IQGAP2: variants seen among roughly 807,000 people sequenced by gnomAD.
IQGAP2 encodes IQ motif containing GTPase activating protein 2, also known as ras GTPase-activating-like protein IQGAP2.
A neutral mutation model predicts 201.3 loss-of-function variants in IQGAP2; 173 were observed. The observed-to-expected ratio is 0.86, with a 90% CI of 0.76 to 0.98. The LOEUF is 0.98. Among genes scored for constraint, IQGAP2 ranks in the 50% least tolerant of loss-of-function variants. IQGAP2 has a pLI of 0.00. For missense variants in IQGAP2, 1,687 were observed against 1,864.8 expected, an observed-to-expected ratio of 0.90 and a Z score of 1.76; for synonymous variants, 675 against 673.9, an observed-to-expected ratio of 1.00 and a Z score of -0.03.
At position 76,403,600 on chromosome 5, in the gene IQGAP2, G is replaced by A. The variant is rs1459508566; in HGVS notation, c.46+9G>A. On this transcript the variant is annotated intron_variant, in intron 1 of 35. Transcript: ENST00000274364. The surrounding 1 kb of genome is among the most constrained non-coding windows in gnomAD (Gnocchi z 4.8). ...GAGACCCCGCTATGGCTGTAAGTGCGCCGGGCGCGCGGGGTTCCTGCTGGC... is the reference window on the plus strand; with the variant it reads ...GAGACCCCGCTATGGCTGTAAGTGCACCGGGCGCGCGGGGTTCCTGCTGGC... 2.6e-6 allele frequency: 4 copies of A among 1,529,702 alleles called. No individual in the cohort carries two copies. The highest frequency in any genetic ancestry group is 5.3e-5 in the East Asian group (2 of 37,968). 94.8% of individuals were successfully genotyped at this position (1,529,702 alleles called of 1,614,324 possible). A position where few individuals can be genotyped will look rare whatever the true frequency, so the allele number is the denominator to read the frequency against.
chr5:76,655,688 T>G (rs1752856253), intron 20 of IQGAP2, among the ~76,000 whole-genome samples: 1 of 152,142 alleles, frequency 6.6e-6, no homozygotes, highest in Non-Finnish European at 1.5e-5. Context: ...ACCTCATGAT[T>G]CACCTGCCTT....
At chr5:76,697,895 T>A (rs1746902952) in intron 32 of IQGAP2, 92 bp from the exon 33 acceptor site, 1 of 927,318 alleles carries the variant, frequency 1.1e-6, no homozygotes, top group Admixed American at 2.6e-5. Context: ...AAATAGCGAC[T>A]TACTACTGCT....
intron 2 of IQGAP2, among the ~76,000 whole-genome samples, chr5:76,515,186 TATC>T (rs1286701196): frequency 2.6e-5 from 4 of 152,258 alleles, no homozygotes; most frequent in African/African-American, 9.6e-5. Flanking sequence ...GGCACGTACT[TATC>T]ATGCTTCTTC....
At chr5:76,655,394 G>A (rs1418428831) in intron 20 of IQGAP2, among the ~76,000 whole-genome samples, 2 of 152,110 alleles carry the variant, frequency 1.3e-5, no homozygotes, top group Non-Finnish European at 2.9e-5. Flanking sequence ...AATGACAACT[G>A]CAAATATCTT....
At chr5:76,622,265 G>A (rs184983502) in intron 13 of IQGAP2, among the ~76,000 whole-genome samples, 2 of 152,096 alleles carry the variant, frequency 1.3e-5, no homozygotes, top group South Asian at 2.1e-4. Flanking sequence ...CAACATATTG[G>A]CCCATCTACT....
chr5:76,618,546 G>A (rs1561517406), intron 13 of IQGAP2: 1 of 1,614,134 alleles, frequency 6.2e-7, no homozygotes, highest in Admixed American at 1.7e-5. Flanking sequence ...TTCCAAGGCA[G>A]AAAAGGGGAA....
Position 76,693,381 on chromosome 5 carries a change from T to A in IQGAP2, c.3932T>A (p.Ile1311Asn). 2 of 1,613,944 alleles carry A rather than the reference T, an allele frequency of 1.2e-6. No individual in the cohort carries two copies. Among genetic ancestry groups the A allele is most frequent in the South Asian group, 1.1e-5 (1 of 91,056 alleles). ...IKTKKLIIDVIRNQPGNTLTE... is the reference protein window; with the variant it reads ...IKTKKLIIDVNRNQPGNTLTE... ...ACCAAGAAGCTGATAATTGATGTGATCCGGAACCAGCCAGGGAACACATTG... is the reference window on the plus strand; with the variant it reads ...ACCAAGAAGCTGATAATTGATGTGAACCGGAACCAGCCAGGGAACACATTG... Residue 1311 changes from isoleucine (I) to asparagine (N), a missense_variant, in exon 31 of 36, where the codon ATC becomes AAC. By Grantham distance (149) the Ile-to-Asn change is moderately radical (BLOSUM62 -3). Transcript: ENST00000274364.
At chr5:76,452,657 C>A (rs999698369) in intron 1 of IQGAP2, among the ~76,000 whole-genome samples, 4 of 152,080 alleles carry the variant, frequency 2.6e-5, no homozygotes, top group African/African-American at 9.7e-5. Context: ...ATAATAATAG[C>A]GACACTCTCA....
intron 2 of IQGAP2, among the ~76,000 whole-genome samples, chr5:76,490,725 T>A (rs1374468145): frequency 6.6e-6 from 1 of 152,078 alleles, no homozygotes; most frequent in African/African-American, 2.4e-5. Flanking sequence ...CCTTTTAAAA[T>A]TTTTCAGCTG....
intron 15 of IQGAP2, among the ~76,000 whole-genome samples, chr5:76,634,931 GA>G (rs779549123): frequency 2.6e-5 from 4 of 152,082 alleles, no homozygotes; most frequent in Non-Finnish European, 5.9e-5. Context: ...TATTTCTTAG[GA>G]AAACTATTTG....
intron 15 of IQGAP2, among the ~76,000 whole-genome samples, chr5:76,635,562 G>T (rs1334621477): frequency 6.6e-6 from 1 of 152,106 alleles, no homozygotes; most frequent in African/African-American, 2.4e-5. Context: ...ATCATAATTG[G>T]CTGGTTGTGG....
Position 76,575,781 on chromosome 5 carries a change from A to G in IQGAP2, c.458+12A>G, listed in dbSNP as rs202069494. ...ATTCACGCACTGAGGTAGGGGGAAA[A>G]TGCAGCTAAAAGGTGCTCTAAGAAG... On this transcript the variant is annotated intron_variant, in intron 5 of 35. Coordinates refer to ENST00000274364, the MANE Select transcript of IQGAP2 (RefSeq NM_006633.5). The G allele has an allele frequency of 1.3e-6, 2 of 1,508,690 alleles. No individual in the cohort carries two copies. The highest frequency in any genetic ancestry group is 1.8e-6 in the Non-Finnish European group (2 of 1,107,798). The allele number at this position is 1,508,690 out of a possible 1,614,324, so 93.5% of individuals were successfully genotyped here. A position where few individuals can be genotyped will look rare whatever the true frequency, so the allele number is the denominator to read the frequency against.
intron 13 of IQGAP2, among the ~76,000 whole-genome samples, chr5:76,626,677 G>A (rs1325126784): frequency 6.6e-6 from 1 of 152,072 alleles, no homozygotes; most frequent in African/African-American, 2.4e-5. Flanking sequence ...GATAAATATC[G>A]ACGATCCCTG....
In IQGAP2 at chr5:76,668,878, T is replaced by A. The variant is rs560831612; in HGVS notation, c.2843+34T>A. 4.2e-5 allele frequency: 57 copies of A among 1,346,218 alleles called. No homozygotes were observed. The African/African-American group carries it at 6.8e-4, about 16-fold the overall frequency. The allele number at this position is 1,346,218 out of a possible 1,614,324, so 83.4% of individuals were successfully genotyped here. On this transcript the variant is annotated intron_variant, in intron 23 of 35. Transcript: ENST00000274364. ...ACAAATATGTATGTAAAAATACCAG[T>A]GAATCAATCCTTTTGTTAGTGGTGG...
At chr5:76,503,325 C>T (rs1329992732) in intron 2 of IQGAP2, among the ~76,000 whole-genome samples, 3 of 151,362 alleles carry the variant, frequency 2.0e-5, no homozygotes, top group Non-Finnish European at 2.9e-5. Context: ...AGGTGCCTGC[C>T]ATCACACCTG....
intron 2 of IQGAP2, among the ~76,000 whole-genome samples, chr5:76,503,152 CCTTTTCTTTTT>C (rs1757374977): frequency 3.4e-5 from 5 of 148,956 alleles, no homozygotes; most frequent in Admixed American, 2.7e-4. Flanking sequence ...TTTTAAATTT[CCTTTTCTTTTT>C]CTTTTCTTTT....
rs767003612 is a variant in IQGAP2 at position 76,677,346 on chromosome 5, A to G, written c.3656A>G (p.His1219Arg). The change falls in exon 28 of 36, where the codon CAC (histidine) becomes CGC (arginine). Residue 1219 changes from histidine to arginine, a missense_variant. Coordinates refer to ENST00000274364, the MANE Select transcript of IQGAP2 (RefSeq NM_006633.5). ...YISIEEIISTHSLLLEHQDAI... is the reference protein window; with the variant it reads ...YISIEEIISTRSLLLEHQDAI... ...TCAATTGAAGAAATCATCAGCACAC[A>G]CTCAGTAAGTGGGGATGGGGAGCCA... The G allele has an allele frequency of 1.2e-6, 2 of 1,613,432 alleles. No individual in the cohort carries two copies. Among genetic ancestry groups the G allele is most frequent in the Admixed American group, 3.3e-5 (2 of 59,928 alleles).
intron 1 of IQGAP2, among the ~76,000 whole-genome samples, chr5:76,430,460 G>C (rs1752303994): frequency 6.6e-6 from 1 of 152,224 alleles, no homozygotes; most frequent in African/African-American, 2.4e-5. Flanking sequence ...CTTGCAGCAT[G>C]GCAGCTGGCT....
intron 2 of IQGAP2, among the ~76,000 whole-genome samples, chr5:76,544,970 T>C (rs991760987): frequency 6.6e-6 from 1 of 151,896 alleles, no homozygotes; most frequent in African/African-American, 2.4e-5. Flanking sequence ...ACAGTATATA[T>C]GTATATATGT....
Sources: allele counts gnomAD v4.1 joint callset (sites outside exome capture counted in the v4.1 genomes callset), GRCh38; gene constraint gnomAD v4.1.1; non-coding constraint Gnocchi (gnomAD v3.1); transcripts MANE v1.5; gene names NCBI Gene and HGNC (gene_info 2026-07-23, HGNC 2026-07-21).